The following CCDC102B variants were observed in gnomAD, a reference collection of about 807,000 sequenced individuals.
The protein encoded by CCDC102B is coiled-coil domain containing 102B, also known as coiled-coil domain-containing protein 102B.
CCDC102B carries 75 observed loss-of-function variants against 57.4 expected under a neutral mutation model. The observed-to-expected ratio is 1.31, with a 90% CI of 1.08 to 1.58. The LOEUF is 1.58. Ranked by LOEUF, CCDC102B falls within the 40% of genes most tolerant of loss-of-function variation. The probability of loss-of-function intolerance (pLI) is 0.00; values close to 1 mark genes in which losing one functional copy is unlikely to be tolerated. For missense variants in CCDC102B, 636 were observed against 582.6 expected (o/e 1.09, Z -0.94); for synonymous variants, 206 against 201.9 (o/e 1.02, Z -0.17).
intron 2 of CCDC102B, among the ~76,000 whole-genome samples, chr18:68,722,449 T>C (rs2032385966): frequency 6.6e-6 from 1 of 152,156 alleles, no homozygotes; most frequent in African/African-American, 2.4e-5. Context: ...CCCACCACCA[T>C]GAACACCATA....
chr18:68,921,088 C>G (rs76833613), intron 6 of CCDC102B, among the ~76,000 whole-genome samples: 1,862 of 152,234 alleles, frequency 0.012, 18 homozygotes, highest in East Asian at 0.031. Context: ...TAGTTATGAA[C>G]AGGACTAGCT....
At chr18:69,004,233 A>G (rs9789236) in intron 6 of CCDC102B, among the ~76,000 whole-genome samples, 2 of 151,966 alleles carry the variant, frequency 1.3e-5, no homozygotes, top group African/African-American at 4.8e-5. Flanking sequence ...AGATATCAAC[A>G]TGCAGGAAGT....
In CCDC102B at chr18:68,743,629, AAGCCTTGCAGGAGAATGCTCT is replaced by A. The variant is rs2033497996; in HGVS notation, c.-67+27037_-67+27057del. ...GGACCTATCAGTTGCCTTTAAACTA[AAGCCTTGCAGGAGAATGCTCT>A]ATGGAGTCTTGTCCTTTCAGATACA... On this transcript the variant is annotated intron_variant, in intron 2 of 3. Coordinates refer to the CCDC102B transcript ENST00000578970. Among the ~76,000 whole-genome samples the A allele has an allele frequency of 2.0e-5, 3 of 152,152 alleles. No individual in the cohort carries two copies. The South Asian group carries it at 6.2e-4, about 32-fold the overall frequency.
chr18:68,795,684 C>G (rs543132218), upstream of CCDC102B, among the ~76,000 whole-genome samples: 35 of 152,218 alleles, frequency 2.3e-4, no homozygotes, highest in African/African-American at 7.7e-4. Context: ...GAATATGGTT[C>G]CCCCTCACCC....
chr18:69,003,173 T>A (rs1304275386), intron 6 of CCDC102B, among the ~76,000 whole-genome samples: 1 of 152,130 alleles, frequency 6.6e-6, no homozygotes, highest in African/African-American at 2.4e-5. Flanking sequence ...ATAGCAGTTG[T>A]CAAATAACAA....
At chr18:69,042,925 A>C (rs1234911823) in intron 7 of CCDC102B, among the ~76,000 whole-genome samples, 1 of 152,062 alleles carries the variant, frequency 6.6e-6, no homozygotes, top group African/African-American at 2.4e-5. Context: ...GAAAAGAAAA[A>C]GACACAGAGA....
At chr18:69,057,218 A>G (rs910189235), downstream of CCDC102B, among the ~76,000 whole-genome samples, 3 of 152,024 alleles carry the variant, frequency 2.0e-5, no homozygotes, top group Non-Finnish European at 4.4e-5. Context: ...ATTTCCTGGT[A>G]CCAATTTCTG....
intron 2 of CCDC102B, among the ~76,000 whole-genome samples, chr18:68,726,372 T>A (rs1358304804): frequency 3.3e-5 from 5 of 152,208 alleles, no homozygotes; most frequent in African/African-American, 1.2e-4. Context: ...ATTACCGCCT[T>A]AATTAAGGAA....
chr18:69,013,785 G>A (rs989734279), intron 7 of CCDC102B, among the ~76,000 whole-genome samples: 1 of 152,154 alleles, frequency 6.6e-6, no homozygotes, highest in African/African-American at 2.4e-5. Flanking sequence ...GGTATATAAG[G>A]TAATATAGAA....
intron 6 of CCDC102B, among the ~76,000 whole-genome samples, chr18:68,936,943 C>T (rs145738156): frequency 2.4e-4 from 36 of 151,890 alleles, no homozygotes; most frequent in African/African-American, 8.4e-4. Flanking sequence ...AAAGACCCTA[C>T]AGGAAACAAA....
chr18:68,765,074 T>TAAATAAATAAATAAATAAGC (rs1053677471), intron 2 of CCDC102B, among the ~76,000 whole-genome samples: 27 of 148,022 alleles, frequency 1.8e-4, no homozygotes, highest in African/African-American at 6.8e-4. Context: ...AATAAATAAA[T>TAAATAAATAAATAAATAAGC]AAGCTGGGGA....
intron 4 of CCDC102B, among the ~76,000 whole-genome samples, chr18:68,869,600 C>A (rs951797152): frequency 6.6e-6 from 1 of 152,110 alleles, no homozygotes; most frequent in African/African-American, 2.4e-5. Context: ...TGTTTAAGTT[C>A]GTTATAGATT....
intron 1 of CCDC102B, among the ~76,000 whole-genome samples, chr18:68,819,368 G>T (rs977408): frequency 6.6e-6 from 1 of 151,668 alleles, no homozygotes. Flanking sequence ...ACATACTGAA[G>T]TGTCATAAAT....
At chr18:69,026,211 A>T (rs938510905) in intron 7 of CCDC102B, among the ~76,000 whole-genome samples, 1 of 152,180 alleles carries the variant, frequency 6.6e-6, no homozygotes, top group African/African-American at 2.4e-5. Flanking sequence ...CACGCCTGTA[A>T]TCCCAGCACT....
chr18:68,977,450 G>A (rs536965842), intron 6 of CCDC102B, among the ~76,000 whole-genome samples: 3 of 151,230 alleles, frequency 2.0e-5, no homozygotes, highest in East Asian at 1.9e-4. Context: ...AGTGTGTGAC[G>A]TTCCCCTCTC....
Position 69,054,096 on chromosome 18 carries a change from G to C in CCDC102B, c.1501G>C (p.Glu501Gln). The change falls in exon 8 of 8, where the codon GAA becomes CAA. Residue 501 changes from glutamate (E) to glutamine (Q), a missense_variant. Transcript: ENST00000360242. ...TCTGGATGAAGAGAAAGAAAGAAAT[G>C]AAAACTTAGAGACTGAACTCAGGCA... ...RSLDEEKERN[E>Q]NLETELRHLQ... is the part of the protein sequence containing the mutation. The C allele has an allele frequency of 6.2e-7, 1 of 1,607,046 alleles. No homozygotes were observed. The highest frequency in any genetic ancestry group is 1.3e-5 in the African/African-American group (1 of 74,560).
chr18:68,874,210 GTGTA>G (rs1455869483), intron 4 of CCDC102B, among the ~76,000 whole-genome samples: 3,042 of 126,768 alleles, frequency 0.024, 43 homozygotes, highest in East Asian at 0.11. Context: ...GTGTGTGTGT[GTGTA>G]TATATATATA....
At chr18:68,830,111 A>T (rs2037083152) in intron 1 of CCDC102B, among the ~76,000 whole-genome samples, 1 of 151,928 alleles carries the variant, frequency 6.6e-6, no homozygotes, top group Non-Finnish European at 1.5e-5. Context: ...TTTCCTTTTA[A>T]CATTTTAGCA....
At chr18:68,990,983 G>A (rs182626649) in intron 6 of CCDC102B, among the ~76,000 whole-genome samples, 123 of 151,952 alleles carry the variant, frequency 8.1e-4, no homozygotes, top group African/African-American at 2.4e-3. Flanking sequence ...ACTGTATTCC[G>A]TCTATTGTTA....
Sources: gnomAD v4.1 joint callset for allele counts (sites outside exome capture counted in the v4.1 genomes callset) on GRCh38, gnomAD v4.1.1 for gene constraint, MANE v1.5 for transcripts, NCBI Gene and HGNC (gene_info 2026-07-23, HGNC 2026-07-21) for gene names.